Variants in PAK4 observed in about 807,000 individuals in gnomAD.
PAK4 encodes p21 (RAC1) activated kinase 4.
A neutral mutation model predicts 53.5 loss-of-function variants in PAK4; 49 were observed. The observed-to-expected ratio is 0.92, with a 90% CI of 0.73 to 1.16. The LOEUF (loss-of-function observed/expected upper bound fraction) is 1.16, where lower values mean the gene tolerates loss of function less well. PAK4 is among the 50% of genes most tolerant of loss of function. The pLI is 0.00. For synonymous variants in PAK4, 376 were observed against 375.6 expected (o/e 1.00, Z -0.01); for missense variants, 824 against 850.7 (o/e 0.97, Z 0.39).
intron 1 of PAK4, 57 bp from the exon 3 acceptor site, chr19:39,169,475 A>C: frequency 2.4e-6 from 3 of 1,231,322 alleles, no homozygotes; most frequent in Non-Finnish European, 3.6e-6. Context: ...GAGCAGGGGC[A>C]GAGGAGGAAG....
At chr19:39,176,491 A>G (rs2074607377) in intron 6 of PAK4, 99 bp from the exon 8 acceptor site, 1 of 1,519,310 alleles carries the variant, frequency 6.6e-7, no homozygotes, top group Non-Finnish European at 9.0e-7. Flanking sequence ...TCTGGGCCGC[A>G]CATTGTGTCT....
Position 39,175,510 on chromosome 19 carries a change from C to T in PAK4, c.1359+72C>T. ...CGGGGCTTCCCTGCCTCTTCCCATC[C>T]CCTGTGAGGGTAGGTGAGCTCTGAC... On this transcript the variant is annotated intron_variant, in intron 6 of 8. Transcript: ENST00000358301. The surrounding 1 kb of genome is among the most constrained non-coding windows in gnomAD (Gnocchi z 4.7). 4 of 1,472,798 alleles carry T rather than the reference C, an allele frequency of 2.7e-6. No homozygotes were observed. The highest frequency in any genetic ancestry group is 1.4e-5 in the African/African-American group (1 of 72,544). The allele number at this position is 1,472,798 out of a possible 1,614,324, so 91.2% of individuals were successfully genotyped here.
In PAK4 at chr19:39,173,250, C is replaced by G. The variant is rs756170456; in HGVS notation, c.537C>G (p.Pro179=). The G allele has an allele frequency of 5.5e-5, 87 of 1,587,782 alleles. No individual in the cohort carries two copies. The highest frequency in any genetic ancestry group is 6.8e-5 in the Non-Finnish European group (79 of 1,168,034). ...AGGAGTCCTCCCGGGACAAACGCCC[C>G]CTCTCCGGGCCTGATGTCGGCACCC... The change falls in exon 3 of 9, where the codon CCC becomes CCG. Residue 179 remains proline, a synonymous_variant. Coordinates refer to ENST00000358301, the Ensembl canonical transcript of PAK4. The surrounding 1 kb of genome is among the most constrained non-coding windows in gnomAD (Gnocchi z 6.9).
At chr19:39,174,335 C>T (rs761879912) in intron 4 of PAK4, among the ~76,000 whole-genome samples, 8 of 151,798 alleles carry the variant, frequency 5.3e-5, no homozygotes, top group Non-Finnish European at 1.2e-4. Context: ...CAGACCTGCC[C>T]CTCCTGGGTT....
At chr19:39,143,529 G>A (rs1252147662) in intron 1 of PAK4, among the ~76,000 whole-genome samples, 1 of 140,420 alleles carries the variant, frequency 7.1e-6, no homozygotes, top group African/African-American at 2.6e-5. Context: ...GGAGGCGGAG[G>A]TTGCAGTGAG....
chr19:39,167,261 A>G (rs2074392495), intron 1 of PAK4, among the ~76,000 whole-genome samples: 1 of 152,214 alleles, frequency 6.6e-6, no homozygotes, highest in Non-Finnish European at 1.5e-5. Flanking sequence ...TTCACGATGA[A>G]GAGGCCTGGG....
chr19:39,174,992 T>TG lies in PAK4; in HGVS notation c.1165dup (p.Asp389GlyfsTer63). ...GTGGAGATGTACAACAGCTACCTGG[T>TG]GGGGGACGAGCTCTGGGTGGTCATG... On this transcript the variant is annotated frameshift_variant, in exon 5 of 9. Coordinates refer to ENST00000358301, the Ensembl canonical transcript of PAK4. LOFTEE classifies it high-confidence loss of function. 6.2e-7 allele frequency: 1 copy of TG among 1,613,602 alleles called. No homozygotes were observed. The highest frequency in any genetic ancestry group is 2.2e-5 in the East Asian group (1 of 44,860).
Position 39,143,592 on chromosome 19 carries a change from C to CAAAAAAAAAA in PAK4, c.-23+17695_-23+17704dup. 1.9e-3 allele frequency among the ~76,000 whole-genome samples: 38 copies of CAAAAAAAAAA among 20,440 alleles called. 5 individuals are homozygous for CAAAAAAAAAA. Among genetic ancestry groups the CAAAAAAAAAA allele is most frequent in the South Asian group, 9.0e-3 (2 of 222 alleles). The allele number at this position is 20,440 out of a possible 152,430, so 13.4% of individuals were successfully genotyped here. A position where few individuals can be genotyped will look rare whatever the true frequency, so the allele number is the denominator to read the frequency against. Reference sequence around the variant, plus strand: ...TGGGTGACAGAGCAAGACTCTGTCTCAAAAAAAAAAAAAAAAAAAAAAAAA... The same window carrying CAAAAAAAAAA: ...TGGGTGACAGAGCAAGACTCTGTCTCAAAAAAAAAAAAAAAAAAAAAAAAAAAAAAAAAAA... On this transcript the variant is annotated intron_variant, in intron 1 of 8. Coordinates refer to ENST00000358301, the Ensembl canonical transcript of PAK4.
At chr19:39,165,346 C>CAAA (rs59682991) in intron 1 of PAK4, among the ~76,000 whole-genome samples, 4 of 92,616 alleles carry the variant, frequency 4.3e-5, no homozygotes, top group African/African-American at 1.6e-4. Context: ...ACTAAAAATA[C>CAAA]AAAAAAAAAA....
chr19:39,176,683 G>T lies in PAK4; in HGVS notation c.1453G>T (p.Glu485Ter). ...CGGCACGCCCTACTGGATGGCCCCA[G>T]AGCTCATCTCCCGCCTTCCCTACGG... The change falls in exon 7 of 9, where the codon GAG becomes TAG. Residue 485 changes from glutamate (E) to a stop codon, truncating the protein, a stop_gained. Transcript: ENST00000358301. LOFTEE classifies it high-confidence loss of function. The T allele has an allele frequency of 6.2e-7, 1 of 1,612,236 alleles. No homozygotes were observed. The highest frequency in any genetic ancestry group is 8.5e-7 in the Non-Finnish European group (1 of 1,179,998).
chr19:39,163,683 G>T (rs780648403), intron 1 of PAK4, among the ~76,000 whole-genome samples: 3 of 152,210 alleles, frequency 2.0e-5, no homozygotes, highest in Non-Finnish European at 2.9e-5. Context: ...AAATGCGCTT[G>T]CATTTCTGGG....
intron 1 of PAK4, among the ~76,000 whole-genome samples, chr19:39,158,668 C>T (rs904521163): frequency 7.9e-5 from 12 of 152,142 alleles, no homozygotes; most frequent in Non-Finnish European, 1.5e-4. Context: ...GGGCTCTGAG[C>T]GCCAGCCTGG....
rs1389939276 is a variant in PAK4, at chr19:39,129,601, G to A, written c.-23+3682G>A. 5.9e-5 allele frequency among the ~76,000 whole-genome samples: 9 copies of A among 152,230 alleles called. No individual in the cohort carries two copies. The East Asian group carries it at 1.2e-3, about 20-fold the overall frequency. ...CCTCACTGAAACGATTTCCTCGGCC[G>A]TGACATGGGAGGTTTATGGGCCCAC... On this transcript the variant is annotated intron_variant, in intron 1 of 8. Coordinates refer to ENST00000358301, the Ensembl canonical transcript of PAK4.
At chr19:39,148,466 C>CTTTTTTTTT (rs74176491) in intron 1 of PAK4, among the ~76,000 whole-genome samples, 13,523 of 55,954 alleles carry the variant, frequency 0.24, 5,972 homozygotes, top group East Asian at 0.42. Context: ...GTTTCTTCTG[C>CTTTTTTTTT]TTTTTTTTTT....
At position 39,178,003 on chromosome 19, in the gene PAK4, A is replaced by G. The variant is rs2074643572; in HGVS notation, c.1620+194A>G. On this transcript the variant is annotated intron_variant, in intron 8 of 8. Transcript: ENST00000358301. The surrounding 1 kb of genome is among the most constrained non-coding windows in gnomAD (Gnocchi z 4.4). ...GTGGGGCCTGGGCGACAGAGGCAGCAGAGCCACAGGCCCTCTGCACCCTCA... is the reference window on the plus strand; with the variant it reads ...GTGGGGCCTGGGCGACAGAGGCAGCGGAGCCACAGGCCCTCTGCACCCTCA... 6.6e-6 allele frequency among the ~76,000 whole-genome samples: 1 copy of G among 152,078 alleles called. No homozygotes were observed. Among genetic ancestry groups the G allele is most frequent in the Non-Finnish European group, 1.5e-5 (1 of 67,984 alleles).
In PAK4 at chr19:39,174,019, G is replaced by C; in HGVS notation, c.1098+9G>C. On this transcript the variant is annotated intron_variant, in intron 4 of 8. Coordinates refer to ENST00000358301, the Ensembl canonical transcript of PAK4. ...AGCTGCTCTTCAACGAGGTGCGGGCGCTGCTGCCCTGCCGCCCTGCTGGTC... is the reference window on the plus strand; with the variant it reads ...AGCTGCTCTTCAACGAGGTGCGGGCCCTGCTGCCCTGCCGCCCTGCTGGTC... 1 of 1,548,020 alleles carries C rather than the reference G, an allele frequency of 6.5e-7. No homozygotes were observed. Among genetic ancestry groups the C allele is most frequent in the Non-Finnish European group, 8.7e-7 (1 of 1,149,018 alleles).
chr19:39,165,195 G>GATGATGATCATGATAATAATAATA (rs1364745681), intron 1 of PAK4, among the ~76,000 whole-genome samples: 1 of 128,434 alleles, frequency 7.8e-6, no homozygotes, highest in African/African-American at 3.0e-5. Flanking sequence ...TGATGATGAT[G>GATGATGATCATGATAATAATAATA]ATAATAATAA....
At chr19:39,167,887 G>C (rs1490381601) in intron 1 of PAK4, 1 of 152,354 alleles carries the variant, frequency 6.6e-6, no homozygotes, top group Non-Finnish European at 1.5e-5. Context: ...GCTGTGCCAC[G>C]CGCTGTGCCA....
intron 1 of PAK4, among the ~76,000 whole-genome samples, chr19:39,128,032 T>C (rs1459138139): frequency 6.6e-6 from 1 of 152,074 alleles, no homozygotes; most frequent in Non-Finnish European, 1.5e-5. Context: ...GGAGTACCTG[T>C]ATGTGTGGAG....
Sources: allele counts gnomAD v4.1 joint callset (sites outside exome capture counted in the v4.1 genomes callset), GRCh38; gene constraint gnomAD v4.1.1; non-coding constraint Gnocchi (gnomAD v3.1); transcripts MANE v1.5; gene names NCBI Gene and HGNC (gene_info 2026-07-23, HGNC 2026-07-21).